Variants in PPFIA2 observed in about 807,000 individuals in gnomAD.
The protein encoded by PPFIA2 is PPFI scaffold protein A2, also known as liprin-alpha-2.
Under a neutral mutation model 175.5 loss-of-function variants are expected in PPFIA2, and 46 were observed. The ratio of observed to expected loss-of-function variants is 0.26; its 90% CI spans 0.21 to 0.34. The LOEUF is 0.34. Among genes scored for constraint, PPFIA2 ranks in the 10% least tolerant of loss-of-function variants. PPFIA2 has a pLI of 1.00. For missense variants in PPFIA2, 1,179 were observed against 1,506.1 expected (o/e 0.78, Z 3.60); for synonymous variants, 568 against 511.4 (o/e 1.11, Z -1.49).
chr12:81,676,926 T>A, intron 3 of PPFIA2, 82 bp from the exon 4 acceptor site: 1 of 1,037,568 alleles, frequency 9.6e-7, no homozygotes, highest in Non-Finnish European at 1.4e-6. Flanking sequence ...AATAATTTAT[T>A]TAGCTGCAAA....
chr12:81,429,375 T>A (rs1375791523), intron 7 of PPFIA2, among the ~76,000 whole-genome samples: 1 of 152,062 alleles, frequency 6.6e-6, no homozygotes, highest in Admixed American at 6.6e-5. Context: ...CATCTGGAGC[T>A]TTCTACTCAC....
intron 21 of PPFIA2, among the ~76,000 whole-genome samples, chr12:81,338,143 T>C (rs1227255159): frequency 1.3e-5 from 2 of 152,104 alleles, no homozygotes; most frequent in African/African-American, 2.4e-5. Flanking sequence ...GAAATTCTTT[T>C]GATGGTAGGG....
intron 4 of PPFIA2, among the ~76,000 whole-genome samples, chr12:81,662,536 C>A (rs1003487592): frequency 6.6e-6 from 1 of 152,044 alleles, no homozygotes; most frequent in South Asian, 2.1e-4. Context: ...CAATAACAGG[C>A]TCTGAAATTG....
intron 7 of PPFIA2, among the ~76,000 whole-genome samples, chr12:81,426,494 G>C (rs528488517): frequency 1.3e-5 from 2 of 152,316 alleles, no homozygotes; most frequent in African/African-American, 4.8e-5. Flanking sequence ...ATGGAGGACT[G>C]TGCCCTCAGA....
intron 20 of PPFIA2, among the ~76,000 whole-genome samples, chr12:81,340,166 CT>C (rs773466155): frequency 2.0e-4 from 30 of 152,036 alleles, no homozygotes; most frequent in Non-Finnish European, 3.8e-4. Flanking sequence ...GAAATATACT[CT>C]TTTTTGGAGA....
chr12:81,702,389 C>T (rs1235341249), intron 3 of PPFIA2, among the ~76,000 whole-genome samples: 5 of 152,178 alleles, frequency 3.3e-5, no homozygotes, highest in Admixed American at 2.6e-4. Flanking sequence ...ACTATATTAC[C>T]CACTTCGCTC....
intron 16 of PPFIA2, among the ~76,000 whole-genome samples, chr12:81,357,154 T>A (rs2060978972): frequency 6.6e-6 from 1 of 152,214 alleles, no homozygotes; most frequent in South Asian, 2.1e-4. Flanking sequence ...GTATTTGTGT[T>A]ACAATTTGTT....
At chr12:81,528,249 A>C (rs2063986537) in intron 4 of PPFIA2, among the ~76,000 whole-genome samples, 1 of 152,086 alleles carries the variant, frequency 6.6e-6, no homozygotes, top group African/African-American at 2.4e-5. Flanking sequence ...TGAAGCAGAC[A>C]GATCAATTAA....
At chr12:81,608,210 G>A (rs1425030123) in intron 4 of PPFIA2, among the ~76,000 whole-genome samples, 3 of 151,972 alleles carry the variant, frequency 2.0e-5, no homozygotes, top group African/African-American at 7.2e-5. Flanking sequence ...ATTCTGTTGA[G>A]GATTTTTGCA....
At position 81,287,612 on chromosome 12, in the gene PPFIA2, T is replaced by C. The variant is rs1593932576; in HGVS notation, c.2926-3309A>G. On this transcript the variant is annotated intron_variant, in intron 24 of 32. Transcript: ENST00000549396. Reference sequence around the variant, plus strand: ...CTACACAACCTAGTCAAGTAGACATTAACTGAAGTTTTAACAAGTTTATTT... The same window carrying C: ...CTACACAACCTAGTCAAGTAGACATCAACTGAAGTTTTAACAAGTTTATTT... 2.0e-5 allele frequency among the ~76,000 whole-genome samples: 3 copies of C among 152,072 alleles called. No homozygotes were observed. The East Asian group carries it at 5.8e-4, about 29-fold the overall frequency.
intron 2 of PPFIA2, among the ~76,000 whole-genome samples, chr12:81,756,304 A>C (rs1339074773): frequency 6.6e-6 from 1 of 152,138 alleles, no homozygotes; most frequent in Non-Finnish European, 1.5e-5. Flanking sequence ...CTTGAATGAA[A>C]GTTATTAATC....
intron 7 of PPFIA2, among the ~76,000 whole-genome samples, chr12:81,417,985 A>C (rs1306088973): frequency 6.6e-6 from 1 of 151,854 alleles, no homozygotes; most frequent in Non-Finnish European, 1.5e-5. Context: ...AAAATCAATA[A>C]TAAGCATAAT....
chr12:81,575,589 A>G (rs2073371314), intron 4 of PPFIA2, among the ~76,000 whole-genome samples: 1 of 151,820 alleles, frequency 6.6e-6, no homozygotes, highest in Non-Finnish European at 1.5e-5. Flanking sequence ...TGCTCTCTGG[A>G]AAGTTCCATT....
At chr12:81,620,249 C>T (rs1315987548) in intron 4 of PPFIA2, among the ~76,000 whole-genome samples, 4 of 148,646 alleles carry the variant, frequency 2.7e-5, no homozygotes, top group Non-Finnish European at 4.5e-5. Flanking sequence ...AAAATTAAGA[C>T]TGGCTTATTG....
intron 8 of PPFIA2, among the ~76,000 whole-genome samples, chr12:81,397,722 G>C (rs146124507): frequency 2.0e-5 from 3 of 152,162 alleles, no homozygotes; most frequent in African/African-American, 4.8e-5. Context: ...ACATGTACTG[G>C]TCTGTGGCCT....
chr12:81,473,421 A>C (rs1367582242), intron 4 of PPFIA2, among the ~76,000 whole-genome samples: 1 of 152,096 alleles, frequency 6.6e-6, no homozygotes, highest in Non-Finnish European at 1.5e-5. Flanking sequence ...ACAAACAAAC[A>C]AAAAAATTCC....
At chr12:81,392,202 T>C (rs1042829046) in intron 8 of PPFIA2, among the ~76,000 whole-genome samples, 1 of 151,876 alleles carries the variant, frequency 6.6e-6, no homozygotes, top group African/African-American at 2.4e-5. Context: ...GAATATGATA[T>C]GGGACAAAAA....
intron 4 of PPFIA2, among the ~76,000 whole-genome samples, chr12:81,553,909 G>A (rs1246192047): frequency 1.3e-5 from 2 of 152,164 alleles, no homozygotes; most frequent in South Asian, 2.1e-4. Context: ...GGTGGTAAGA[G>A]CTGGATAAGT....
rs532292013 is a variant in PPFIA2, at chr12:81,612,539, A to G, written c.303+64252T>C. Among the ~76,000 whole-genome samples, 8 of 152,338 alleles carry G rather than the reference A, an allele frequency of 5.3e-5. No homozygotes were observed. The South Asian group carries it at 1.7e-3, about 32-fold the overall frequency. ...TTCGAATACCTCAGTCTTTCTTCCAAGATCAAGAAATTTATTTTAGCTAAC... is the reference window on the plus strand; with the variant it reads ...TTCGAATACCTCAGTCTTTCTTCCAGGATCAAGAAATTTATTTTAGCTAAC... On this transcript the variant is annotated intron_variant, in intron 4 of 32. Coordinates refer to ENST00000549396, the MANE Select transcript of PPFIA2 (RefSeq NM_003625.5).
Sources: allele counts gnomAD v4.1 joint callset (sites outside exome capture counted in the v4.1 genomes callset), GRCh38; gene constraint gnomAD v4.1.1; transcripts MANE v1.5; gene names NCBI Gene and HGNC (gene_info 2026-07-23, HGNC 2026-07-21).